MINK1: variants seen among roughly 807,000 people sequenced by gnomAD.
MINK1 encodes misshapen-like kinase 1.
A neutral mutation model predicts 178.4 loss-of-function variants in MINK1; 46 were observed. The ratio of observed to expected loss-of-function variants is 0.26; its 90% confidence interval spans 0.20 to 0.33. MINK1 has a LOEUF of 0.33. MINK1 is among the 10% of genes least tolerant of loss of function. The pLI, the probability that MINK1 is intolerant of heterozygous loss-of-function variation, is 1.00. For missense variants in MINK1, 1,366 were observed against 1,814.9 expected (o/e 0.75, Z 4.49); for synonymous variants, 797 against 709.7 (o/e 1.12, Z -1.96).
intron 2 of MINK1, among the ~76,000 whole-genome samples, chr17:4,879,698 G>GT (rs1258981169): frequency 7.9e-5 from 12 of 152,206 alleles, no homozygotes; most frequent in Non-Finnish European, 5.9e-5. Flanking sequence ...TCAGAAGGAT[G>GT]TTGGGGGAGG....
Position 4,886,662 on chromosome 17 carries a change from G to A in MINK1, c.949+36G>A. Reference sequence around the variant, plus strand: ...AGGCTGGAGGGGGCAGGTACTAGGGGACACTCCAGCCTGGCTCCTCTCTGC... The same window carrying A: ...AGGCTGGAGGGGGCAGGTACTAGGGAACACTCCAGCCTGGCTCCTCTCTGC... On this transcript the variant is annotated intron_variant, in intron 10 of 31. Transcript: ENST00000355280. This position sits in a 1 kb window ranked among gnomAD's most constrained non-coding sequence, Gnocchi z 6.1. 6.5e-7 allele frequency: 1 copy of A among 1,531,844 alleles called. No homozygotes were observed. 94.9% of individuals were successfully genotyped at this position (1,531,844 alleles called of 1,614,324 possible).
In MINK1 at chr17:4,892,716, C is replaced by T. The variant is rs565690336; in HGVS notation, c.2259C>T (p.Ala753=). 1.2e-6 allele frequency: 2 copies of T among 1,612,148 alleles called. No homozygotes were observed. The highest frequency in any genetic ancestry group is 1.7e-5 in the Admixed American group (1 of 59,924). The change falls in exon 19 of 32, where the codon GCC becomes GCT. Residue 753 remains alanine (A), a synonymous_variant. Transcript: ENST00000355280. ...GWERSDSVLP[A]SHGHLPQAGS... is the part of the protein sequence containing the mutation. ...AACGCTCGGACAGCGTCCTTCCAGC[C>T]TCTCACGGGCACCTCCCCCAGGCTG...
intron 1 of MINK1, among the ~76,000 whole-genome samples, chr17:4,837,537 C>T (rs1001792843): frequency 3.3e-5 from 5 of 152,198 alleles, no homozygotes; most frequent in Non-Finnish European, 7.3e-5. Context: ...AAGTTAGGAT[C>T]ATCCAAGAGA....
chr17:4,887,441 A>G lies in MINK1; in HGVS notation c.1020-139A>G, dbSNP rs1242676575. 4.8e-6 allele frequency: 4 copies of G among 828,436 alleles called. No homozygotes were observed. The African/African-American group carries it at 6.9e-5, about 14-fold the overall frequency. The allele number at this position is 828,436 out of a possible 1,614,324, so 51.3% of individuals were successfully genotyped here. ...GAAGACTGGGCAGAAGGGGACGGTA[A>G]GTCTCCTGGCCACCTGGGAGTGGCC... is the stretch of plus-strand genomic sequence containing the variant. On this transcript the variant is annotated intron_variant, in intron 11 of 31. Coordinates refer to ENST00000355280, the MANE Select transcript of MINK1 (RefSeq NM_153827.5). This position sits in a 1 kb window ranked among gnomAD's most constrained non-coding sequence, Gnocchi z 7.6.
chr17:4,845,797 C>T (rs1013218084), intron 1 of MINK1, among the ~76,000 whole-genome samples: 3 of 152,162 alleles, frequency 2.0e-5, no homozygotes, highest in Non-Finnish European at 4.4e-5. Flanking sequence ...TGCGTCACCA[C>T]GCCCAGCTAA....
chr17:4,895,575 G>A lies in MINK1; in HGVS notation c.3229+82G>A. ...CATCTTCTGCCTGGGAGGAGGGCAG[G>A]CACTGGAAGGTGGGGCCACACTTTC... On this transcript the variant is annotated intron_variant, in intron 26 of 31. Transcript: ENST00000355280. The surrounding 1 kb of genome is among the most constrained non-coding windows in gnomAD (Gnocchi z 4.3). 6.5e-7 allele frequency: 1 copy of A among 1,547,148 alleles called. No homozygotes were observed.
chr17:4,890,991 C>T lies in MINK1; in HGVS notation c.1607C>T (p.Pro536Leu), dbSNP rs1206823828. The stretch of plus-strand genomic sequence containing the variant: ...AGGATGAACAAGCAGCAGAACTCTC[C>T]CTTGGCCAAGAGCAAGCCAGGCAGC... The part of the protein sequence containing the change: ...RTRMNKQQNS[P>L]LAKSKPGSTG... The change falls in exon 15 of 32, where the codon CCC becomes CTC. Residue 536 changes from proline to leucine, a missense_variant. Physicochemically the swap from Pro to Leu is moderately conservative, Grantham distance 98. This residue lies in a region of MINK1 where 709 missense variants were observed against 692.3 expected (regional missense o/e 1.02). Transcript: ENST00000355280. 1 of 1,560,668 alleles carries T rather than the reference C, an allele frequency of 6.4e-7. No homozygotes were observed. The highest frequency in any genetic ancestry group is 2.4e-5 in the East Asian group (1 of 41,678).
chr17:4,894,702 T>A lies in MINK1; in HGVS notation c.2917+69T>A. On this transcript the variant is annotated intron_variant, in intron 24 of 31. Coordinates refer to ENST00000355280, the MANE Select transcript of MINK1 (RefSeq NM_153827.5). The surrounding 1 kb of genome is among the most constrained non-coding windows in gnomAD (Gnocchi z 4.1). ...GGCAGCCTGGAGGGGAGCACAGTGG[T>A]CTTGAGACGCAGCCTCACAAAGCAT... 1 of 1,212,588 alleles carries A rather than the reference T, an allele frequency of 8.2e-7. No individual in the cohort carries two copies. The highest frequency in any genetic ancestry group is 1.2e-6 in the Non-Finnish European group (1 of 839,908). The allele number at this position is 1,212,588 out of a possible 1,614,324, so 75.1% of individuals were successfully genotyped here. A position where few individuals can be genotyped will look rare whatever the true frequency, so the allele number is the denominator to read the frequency against.
Position 4,887,013 on chromosome 17 carries a change from C to T in MINK1, c.950-97C>T, listed in dbSNP as rs1968267685. 2 of 1,332,594 alleles carry T rather than the reference C, an allele frequency of 1.5e-6. No individual in the cohort carries two copies. The highest frequency in any genetic ancestry group is 2.1e-5 in the Admixed American group (1 of 47,862). The allele number at this position is 1,332,594 out of a possible 1,614,324, so 82.5% of individuals were successfully genotyped here. Reference sequence around the variant, plus strand: ...GTGGGTGGGGCCCCTCATGCTTGCCCAGCCAGAGAGACCTGGTTATCCCCA... The same window carrying T: ...GTGGGTGGGGCCCCTCATGCTTGCCTAGCCAGAGAGACCTGGTTATCCCCA... On this transcript the variant is annotated intron_variant, in intron 10 of 31. Transcript: ENST00000355280. The surrounding 1 kb of genome is among the most constrained non-coding windows in gnomAD (Gnocchi z 7.6).
Position 4,894,076 on chromosome 17 carries a change from A to C in MINK1, c.2653A>C (p.Thr885Pro). The change falls in exon 22 of 32, where the codon ACC (threonine) becomes CCC (proline). Residue 885 changes from threonine (T) to proline (P), a missense_variant. This residue lies in a region of MINK1 where 709 missense variants were observed against 692.3 expected (regional missense o/e 1.02). Transcript: ENST00000355280. This position sits in a 1 kb window ranked among gnomAD's most constrained non-coding sequence, Gnocchi z 4.1. ...GACCCAGCCCCCATACGGGGGCGGC[A>C]CCATGGTGGTCCAGCGCGTGAGTGA... ...TGTQPPYGGG[T>P]MVVQRTPEEE... is the part of the protein sequence containing the mutation. 6.3e-7 allele frequency: 1 copy of C among 1,589,728 alleles called. No individual in the cohort carries two copies. The highest frequency in any genetic ancestry group is 8.6e-7 in the Non-Finnish European group (1 of 1,166,364).
At chr17:4,840,455 A>T (rs1207803027) in intron 1 of MINK1, among the ~76,000 whole-genome samples, 5 of 152,226 alleles carry the variant, frequency 3.3e-5, no homozygotes, top group African/African-American at 1.2e-4. Context: ...TATGACTCAT[A>T]TAATCCTCAT....
rs1301620791 is a variant in MINK1, at chr17:4,894,319, G to C, written c.2808+8G>C. 1 of 1,610,584 alleles carries C rather than the reference G, an allele frequency of 6.2e-7. No individual in the cohort carries two copies. Among genetic ancestry groups the C allele is most frequent in the Admixed American group, 1.7e-5 (1 of 59,558 alleles). On this transcript the variant is annotated splice_region_variant and intron_variant, in intron 23 of 31. Transcript: ENST00000355280. This position sits in a 1 kb window ranked among gnomAD's most constrained non-coding sequence, Gnocchi z 4.1. The stretch of plus-strand genomic sequence containing the variant: ...AAGGATGGGAGTGGTGACGTAAGTG[G>C]GCCGGAGGCAGGTCCGCCGGGAGAG...
rs768445086 is a variant in MINK1 at position 4,887,606 on chromosome 17, C to T, written c.1046C>T (p.Ser349Leu). The T allele has an allele frequency of 5.8e-6, 9 of 1,554,268 alleles. No individual in the cohort carries two copies. The highest frequency in any genetic ancestry group is 1.7e-4 in the Middle Eastern group (1 of 5,892). ...TCCATCATGAACGTGCCTGGAGAGT[C>T]GACTCTACGCCGGGAGTTTCTCCGG... ...PSSIMNVPGE[S>L]TLRREFLRLQ... is the part of the protein sequence containing the mutation. The change falls in exon 12 of 32, where the codon TCG becomes TTG. Residue 349 changes from serine to leucine, a missense_variant. Ser to Leu is a moderately radical substitution (Grantham distance 145). Coordinates refer to ENST00000355280, the MANE Select transcript of MINK1 (RefSeq NM_153827.5). This position sits in a 1 kb window ranked among gnomAD's most constrained non-coding sequence, Gnocchi z 7.6.
At chr17:4,835,688 C>T (rs571653671) in intron 1 of MINK1, among the ~76,000 whole-genome samples, 2 of 152,216 alleles carry the variant, frequency 1.3e-5, no homozygotes, top group African/African-American at 4.8e-5. Flanking sequence ...TGCTTTGAAC[C>T]TTGTGGGACT....
intron 1 of MINK1, among the ~76,000 whole-genome samples, chr17:4,876,506 C>T (rs568491981): frequency 5.1e-4 from 77 of 152,278 alleles, no homozygotes; most frequent in Non-Finnish European, 1.0e-3. Flanking sequence ...TCAACACGCC[C>T]AAGTCGTCTT....
rs1425913810 is a variant in MINK1 at position 4,892,516 on chromosome 17, A to G, written c.2198+4A>G. On this transcript the variant is annotated splice_donor_region_variant and intron_variant, in intron 18 of 31. Transcript: ENST00000355280. ...CTGGCCCGCCCAACGCCTCTAGGTAATAGAGTTGTCCCCCAACTCACTCTC... is the reference window on the plus strand; with the variant it reads ...CTGGCCCGCCCAACGCCTCTAGGTAGTAGAGTTGTCCCCCAACTCACTCTC... The G allele has an allele frequency of 1.3e-6, 2 of 1,551,544 alleles. No homozygotes were observed. Among genetic ancestry groups the G allele is most frequent in the Non-Finnish European group, 1.7e-6 (2 of 1,144,166 alleles).
intron 20 of MINK1, 183 bp from the exon 21 acceptor site, chr17:4,893,251 C>CTCCTAACCTCTT (rs1567620249): frequency 1.9e-6 from 3 of 1,612,484 alleles, no homozygotes; most frequent in African/African-American, 2.7e-5. Context: ...CCTAACCTCT[C>CTCCTAACCTCTT]TTCTGGCTCT....
chr17:4,886,239 T>C lies in MINK1; in HGVS notation c.773+41T>C. ...TGTGGGCTCTGGGAAGGAAGGTCCC[T>C]GGACAAGGCCATCCCCACCTTCATG... is the stretch of plus-strand genomic sequence containing the variant. On this transcript the variant is annotated intron_variant, in intron 9 of 31. Transcript: ENST00000355280. This position sits in a 1 kb window ranked among gnomAD's most constrained non-coding sequence, Gnocchi z 6.1. The C allele has an allele frequency of 6.3e-7, 1 of 1,599,828 alleles. No homozygotes were observed. The highest frequency in any genetic ancestry group is 8.6e-7 in the Non-Finnish European group (1 of 1,167,072).
intron 17 of MINK1, 81 bp downstream of exon 17, chr17:4,892,315 C>A (rs1057149517): frequency 8.3e-6 from 12 of 1,454,076 alleles, no homozygotes; most frequent in Admixed American, 2.3e-5. Flanking sequence ...CTTTACCAGC[C>A]TACCCGCCTG....
Sources: gnomAD v4.1 joint callset for allele counts (sites outside exome capture counted in the v4.1 genomes callset) on GRCh38, gnomAD v4.1.1 for gene constraint, gnomAD v4.1.1 regional missense constraint, Gnocchi (gnomAD v3.1) non-coding constraint, MANE v1.5 for transcripts, NCBI Gene and HGNC (gene_info 2026-07-23, HGNC 2026-07-21) for gene names.